IPO11: variants seen among roughly 807,000 people sequenced by gnomAD.
IPO11 encodes importin 11.
In IPO11, 66 loss-of-function variants were observed where a neutral mutation model predicts 143.2. The ratio of observed to expected loss-of-function variants is 0.46; its 90% CI spans 0.38 to 0.57. The LOEUF (loss-of-function observed/expected upper bound fraction) is 0.57. Among genes scored for constraint, IPO11 ranks in the 20% least tolerant of loss-of-function variants. The probability of loss-of-function intolerance (pLI) is 0.00; values close to 1 mark genes in which losing one functional copy is unlikely to be tolerated. For synonymous variants in IPO11, 385 were observed against 377.8 expected (o/e 1.02, Z -0.22); for missense variants, 1,026 against 1,141.0 (o/e 0.90, Z 1.45).
At position 62,419,071 on chromosome 5, in the gene IPO11, T is replaced by C. The variant is rs1743402398; in HGVS notation, c.-7+6142T>C. 3.9e-6 allele frequency: 6 copies of C among 1,551,072 alleles called. No homozygotes were observed. The South Asian group carries it at 7.1e-5, about 18-fold the overall frequency. ...GGTATATAGCTTATTGTATCTAGGCTATAAGCCTGTACAGCATGTTACTGC... is the reference window on the plus strand; with the variant it reads ...GGTATATAGCTTATTGTATCTAGGCCATAAGCCTGTACAGCATGTTACTGC... On this transcript the variant is annotated intron_variant, in intron 1 of 29. Transcript: ENST00000325324.
Position 62,567,852 on chromosome 5 carries a change from G to A in IPO11, c.2582+6595G>A, listed in dbSNP as rs7711860. 7.0e-3 allele frequency among the ~76,000 whole-genome samples: 1,032 copies of A among 147,784 alleles called. 8 individuals carry two copies. The highest frequency in any genetic ancestry group is 0.025 in the African/African-American group (997 of 40,014). On this transcript the variant is annotated intron_variant, in intron 27 of 29. Coordinates refer to ENST00000325324, the MANE Select transcript of IPO11 (RefSeq NM_016338.5). ...GCTGGGATTACAGGCGTGAGCCACC[G>A]CACCCCGCTACATTTGCTCTTTTGA... is the stretch of plus-strand genomic sequence containing the variant.
intron 29 of IPO11, among the ~76,000 whole-genome samples, chr5:62,602,219 T>G (rs1316421883): frequency 6.6e-6 from 1 of 152,132 alleles, no homozygotes; most frequent in Non-Finnish European, 1.5e-5. Flanking sequence ...CACATGAACT[T>G]TTGCTGATCT....
At chr5:62,485,591 C>A in intron 12 of IPO11, 129 bp downstream of exon 12, 1 of 748,378 alleles carries the variant, frequency 1.3e-6, no homozygotes, top group Non-Finnish European at 2.2e-6. Context: ...TTAATCCTAG[C>A]ACTTTGGGAA....
chr5:62,535,017 ATATTTATT>A (rs70981023), intron 22 of IPO11, among the ~76,000 whole-genome samples: 2,579 of 142,620 alleles, frequency 0.018, 67 homozygotes, highest in East Asian at 0.13. Flanking sequence ...TATAATATTA[ATATTTATT>A]TATTTATTTA....
intron 28 of IPO11, among the ~76,000 whole-genome samples, chr5:62,593,859 A>G (rs151180955): frequency 6.6e-6 from 1 of 152,232 alleles, no homozygotes; most frequent in African/African-American, 2.4e-5. Context: ...CTAGATCTCT[A>G]TTAAATCTTC....
Position 62,540,449 on chromosome 5 carries a change from C to T in IPO11, c.2250+3160C>T, listed in dbSNP as rs185992585. Among the ~76,000 whole-genome samples the T allele has an allele frequency of 1.4e-4, 21 of 152,336 alleles. No individual in the cohort carries two copies. In the East Asian group the frequency reaches 3.8e-3, roughly 28 times the overall value. Reference sequence around the variant, plus strand: ...AAATTTGAATTGACCTTACCCCCATCCCCCTCTTTTGGCTTTTCTGCAACA... The same window carrying T: ...AAATTTGAATTGACCTTACCCCCATTCCCCTCTTTTGGCTTTTCTGCAACA... On this transcript the variant is annotated intron_variant, in intron 24 of 29. Transcript: ENST00000325324.
chr5:62,595,180 A>G (rs1202947192), intron 28 of IPO11, among the ~76,000 whole-genome samples: 1 of 152,204 alleles, frequency 6.6e-6, no homozygotes, highest in African/African-American at 2.4e-5. Flanking sequence ...TGCAAACAGG[A>G]ACTGTGATGT....
chr5:62,472,542 T>G (rs1395986408), intron 7 of IPO11, among the ~76,000 whole-genome samples: 1 of 151,210 alleles, frequency 6.6e-6, no homozygotes, highest in Non-Finnish European at 1.5e-5. Context: ...TTTTTTTTTT[T>G]TTTTTGAGAC....
At chr5:62,544,948 G>A (rs1561356485) in intron 24 of IPO11, among the ~76,000 whole-genome samples, 1 of 151,962 alleles carries the variant, frequency 6.6e-6, no homozygotes, top group Non-Finnish European at 1.5e-5. Context: ...AAATAAAAGA[G>A]GACACAAACA....
intron 21 of IPO11, chr5:62,526,666 T>TA (rs1742379047): frequency 6.0e-6 from 1 of 166,092 alleles, no homozygotes; most frequent in Non-Finnish European, 1.3e-5. Context: ...AGTCTTAACT[T>TA]ACTGTTCTAC....
intron 6 of IPO11, among the ~76,000 whole-genome samples, chr5:62,468,937 A>AT: frequency 6.6e-6 from 1 of 152,344 alleles, no homozygotes; most frequent in South Asian, 2.1e-4. Context: ...TCTTTTAGAC[A>AT]TGGATGCATT....
chr5:62,567,499 T>TC (rs1743986864), intron 27 of IPO11, among the ~76,000 whole-genome samples: 1 of 148,336 alleles, frequency 6.7e-6, no homozygotes, highest in Non-Finnish European at 1.5e-5. Context: ...ATTATTATTT[T>TC]TTTTACTATT....
chr5:62,598,459 TC>T (rs1745339001), intron 28 of IPO11, among the ~76,000 whole-genome samples: 2 of 3,528 alleles, frequency 5.7e-4, no homozygotes, highest in Non-Finnish European at 9.3e-4. Context: ...TCTCTCTCTC[TC>T]TCTCTCTCTC....
intron 5 of IPO11, among the ~76,000 whole-genome samples, chr5:62,457,312 A>C (rs1745197057): frequency 6.6e-6 from 1 of 151,978 alleles, no homozygotes. Flanking sequence ...ACATAGTGAG[A>C]TCCTACCTCT....
intron 20 of IPO11, among the ~76,000 whole-genome samples, chr5:62,517,066 C>T (rs1243904406): frequency 2.6e-5 from 4 of 151,912 alleles, no homozygotes; most frequent in Admixed American, 1.3e-4. Context: ...GGCGTGGTGG[C>T]GGGTGCCTGT....
intron 1 of IPO11, chr5:62,422,592 G>A (rs1364104650): frequency 1.3e-5 from 2 of 152,178 alleles, no homozygotes; most frequent in Non-Finnish European, 2.9e-5. Flanking sequence ...ATATTGTTTA[G>A]GATAATGTAT....
chr5:62,552,931 C>T (rs1743438573), intron 26 of IPO11, among the ~76,000 whole-genome samples: 1 of 152,042 alleles, frequency 6.6e-6, no homozygotes, highest in African/African-American at 2.4e-5. Flanking sequence ...TATCTGTCAC[C>T]CCAAACACTT....
chr5:62,464,266 G>A (rs1381949798), intron 5 of IPO11, among the ~76,000 whole-genome samples: 2 of 143,386 alleles, frequency 1.4e-5, no homozygotes, highest in Admixed American at 7.3e-5. Flanking sequence ...TCAGCCTCCC[G>A]AGTAGCTGGG....
chr5:62,490,045 T>C, intron 14 of IPO11, 70 bp from the exon 15 acceptor site: 1 of 759,502 alleles, frequency 1.3e-6, no homozygotes, highest in Admixed American at 2.8e-5. Context: ...AATTAACATA[T>C]GTTTCATACA....
Sources: allele counts gnomAD v4.1 joint callset (sites outside exome capture counted in the v4.1 genomes callset), GRCh38; gene constraint gnomAD v4.1.1; transcripts MANE v1.5; gene names NCBI Gene and HGNC (gene_info 2026-07-23, HGNC 2026-07-21).